MLLT10: variants seen among roughly 807,000 people sequenced by gnomAD.
MLLT10 encodes the protein protein AF-10.
In MLLT10, 30 loss-of-function variants were observed where a neutral mutation model predicts 129.1. The observed-to-expected ratio is 0.23, with a 90% CI of 0.17 to 0.32. The LOEUF (loss-of-function observed/expected upper bound fraction) is 0.32. Ranked by LOEUF, MLLT10 falls within the 10% of genes least tolerant of loss-of-function variation. The pLI is 1.00. For synonymous variants in MLLT10, 490 were observed against 446.4 expected, an observed-to-expected ratio of 1.10 and a Z score of -1.23; for missense variants, 1,119 against 1,268.3, an observed-to-expected ratio of 0.88 and a Z score of 1.79.
At chr10:21,687,929 C>T (rs753774946) in intron 13 of MLLT10, among the ~76,000 whole-genome samples, 1 of 152,074 alleles carries the variant, frequency 6.6e-6, no homozygotes, top group Admixed American at 6.5e-5. Context: ...TTAACACAGC[C>T]TTTATAATAA....
At chr10:21,590,861 A>C (rs2042426296) in intron 4 of MLLT10, among the ~76,000 whole-genome samples, 1 of 151,828 alleles carries the variant, frequency 6.6e-6, no homozygotes, top group South Asian at 2.1e-4. Context: ...CTATTTTGTT[A>C]AACTTCTGCT....
rs116321358 is a variant in MLLT10 at position 21,563,711 on chromosome 10, T to A, written c.241-22583T>A. Among the ~76,000 whole-genome samples, 1,099 of 152,188 alleles carry A rather than the reference T, an allele frequency of 7.2e-3. 15 individuals are homozygous for A. The highest frequency in any genetic ancestry group is 0.025 in the African/African-American group (1,055 of 41,504). On this transcript the variant is annotated intron_variant, in intron 3 of 22. Transcript: ENST00000307729. The stretch of plus-strand genomic sequence containing the variant: ...TAGGTTATTAAGAATAAAACTGTTA[T>A]AAACATTACATGGGTTTTCATGTGA...
At chr10:21,735,898 A>G (rs192213391) in intron 21 of MLLT10, among the ~76,000 whole-genome samples, 55 of 152,284 alleles carry the variant, frequency 3.6e-4, no homozygotes, top group Middle Eastern at 3.4e-3. Context: ...TATCTTAAGT[A>G]TGAATGGAAA....
chr10:21,540,702 A>G (rs567235571), intron 3 of MLLT10, among the ~76,000 whole-genome samples: 3 of 152,290 alleles, frequency 2.0e-5, no homozygotes, highest in Admixed American at 6.5e-5. Context: ...TATTATATTT[A>G]TTGATTTATT....
intron 14 of MLLT10, among the ~76,000 whole-genome samples, chr10:21,716,539 C>T (rs187374632): frequency 6.6e-6 from 1 of 151,750 alleles, no homozygotes. Context: ...CTAAAAAATT[C>T]AAAAATTAGC....
chr10:21,607,887 A>G (rs1047607485), intron 5 of MLLT10, among the ~76,000 whole-genome samples: 1 of 151,268 alleles, frequency 6.6e-6, no homozygotes, highest in African/African-American at 2.4e-5. Context: ...TTCCTTTAGT[A>G]TTTCTTTTTT....
chr10:21,733,706 C>G, intron 19 of MLLT10, 62 bp from the exon 20 acceptor site: 1 of 1,534,238 alleles, frequency 6.5e-7, no homozygotes, highest in Non-Finnish European at 8.7e-7. Flanking sequence ...CTTAGTTTCT[C>G]TTCTTTCTTA....
chr10:21,628,522 A>T (rs185169127), intron 8 of MLLT10, among the ~76,000 whole-genome samples: 2 of 147,484 alleles, frequency 1.4e-5, no homozygotes, highest in Non-Finnish European at 1.5e-5. Flanking sequence ...ACTCACTACA[A>T]TCTCCACCTC....
At chr10:21,604,963 T>C (rs1014677579) in intron 5 of MLLT10, among the ~76,000 whole-genome samples, 13 of 151,908 alleles carry the variant, frequency 8.6e-5, no homozygotes, top group African/African-American at 3.1e-4. Flanking sequence ...ATGATGAGCT[T>C]ACATTCTGAT....
chr10:21,704,016 GTTTTT>G (rs60982595), intron 13 of MLLT10, among the ~76,000 whole-genome samples: 80 of 56,634 alleles, frequency 1.4e-3, no homozygotes, highest in African/African-American at 3.5e-3. Context: ...ATTGTTTTTT[GTTTTT>G]TTTTTTTTTT....
At chr10:21,681,114 C>A (rs937903975) in intron 11 of MLLT10, among the ~76,000 whole-genome samples, 1 of 152,108 alleles carries the variant, frequency 6.6e-6, no homozygotes, top group Non-Finnish European at 1.5e-5. Context: ...AGATACATTC[C>A]ACACACTCCC....
intron 16 of MLLT10, among the ~76,000 whole-genome samples, chr10:21,728,746 G>A (rs1193475117): frequency 2.0e-5 from 3 of 152,058 alleles, no homozygotes; most frequent in African/African-American, 7.2e-5. Context: ...TGAAAACTTT[G>A]GTCAGGCGTG....
intron 14 of MLLT10, among the ~76,000 whole-genome samples, chr10:21,715,306 G>A (rs1589782693): frequency 6.6e-6 from 1 of 152,320 alleles, no homozygotes; most frequent in East Asian, 1.9e-4. Flanking sequence ...GCAATGGCAT[G>A]ATTAGTAGTA....
intron 3 of MLLT10, among the ~76,000 whole-genome samples, chr10:21,561,334 G>A (rs1338285152): frequency 6.6e-6 from 1 of 151,696 alleles, no homozygotes; most frequent in East Asian, 1.9e-4. Context: ...TCTGCCTCCT[G>A]GGTGCAAGTT....
At chr10:21,700,782 G>A (rs1365771898) in intron 13 of MLLT10, among the ~76,000 whole-genome samples, 1 of 152,062 alleles carries the variant, frequency 6.6e-6, no homozygotes, top group Non-Finnish European at 1.5e-5. Flanking sequence ...TGTTTCTTGG[G>A]GATATTGACC....
At chr10:21,612,044 T>G (rs1202843346) in intron 5 of MLLT10, among the ~76,000 whole-genome samples, 1 of 152,146 alleles carries the variant, frequency 6.6e-6, no homozygotes, top group Non-Finnish European at 1.5e-5. Flanking sequence ...AGAGGTGTGG[T>G]AGATTGTGTC....
chr10:21,604,939 A>T (rs983305501), intron 5 of MLLT10, among the ~76,000 whole-genome samples: 3 of 150,528 alleles, frequency 2.0e-5, no homozygotes, highest in Non-Finnish European at 4.4e-5. Context: ...TTAAGTACAG[A>T]TGCTTCTTGA....
At chr10:21,700,755 G>A (rs2054830430) in intron 13 of MLLT10, among the ~76,000 whole-genome samples, 1 of 152,020 alleles carries the variant, frequency 6.6e-6, no homozygotes, top group South Asian at 2.1e-4. Flanking sequence ...GCATTTTGTT[G>A]GGGATTTTTG....
At chr10:21,723,094 T>C (rs2057246058) in intron 14 of MLLT10, among the ~76,000 whole-genome samples, 1 of 152,244 alleles carries the variant, frequency 6.6e-6, no homozygotes, top group African/African-American at 2.4e-5. Context: ...TCATTTATTG[T>C]ATCAACTTTT....
Sources: allele counts gnomAD v4.1 joint callset (sites outside exome capture counted in the v4.1 genomes callset), GRCh38; gene constraint gnomAD v4.1.1; transcripts MANE v1.5; gene names NCBI Gene and HGNC (gene_info 2026-07-23, HGNC 2026-07-21).